The following GRIK3 variants were observed in gnomAD, a reference collection of about 807,000 sequenced individuals.
The protein encoded by GRIK3 is glutamate ionotropic receptor kainate type subunit 3, also known as glutamate receptor ionotropic, kainate 3.
A neutral mutation model predicts 102.5 loss-of-function variants in GRIK3; 29 were observed. That is an observed-to-expected ratio of 0.28 (90% CI 0.21 to 0.39). The LOEUF (loss-of-function observed/expected upper bound fraction) is 0.39, where lower values mean the gene tolerates loss of function less well. GRIK3 is among the 10% of genes least tolerant of loss of function. The probability of loss-of-function intolerance (pLI) is 1.00; values close to 1 mark genes in which losing one functional copy is unlikely to be tolerated. For synonymous variants in GRIK3, 511 were observed against 504.9 expected, an observed-to-expected ratio of 1.01 and a Z score of -0.16; for missense variants, 908 against 1,252.4, an observed-to-expected ratio of 0.73 and a Z score of 4.15.
At chr1:36,988,223 G>GGAGGTTGCAGTGAGCC (rs1441543158) in intron 1 of GRIK3, among the ~76,000 whole-genome samples, 4 of 152,188 alleles carry the variant, frequency 2.6e-5, no homozygotes, top group Non-Finnish European at 2.9e-5. Context: ...CTCAGGAGGT[G>GGAGGTTGCAGTGAGCC]GAGGTTGCAG....
At chr1:36,960,960 C>T (rs1319290222) in intron 1 of GRIK3, among the ~76,000 whole-genome samples, 1 of 152,184 alleles carries the variant, frequency 6.6e-6, no homozygotes, top group Non-Finnish European at 1.5e-5. Flanking sequence ...AAGCACAACA[C>T]ATAGGTCACC....
intron 11 of GRIK3, among the ~76,000 whole-genome samples, chr1:36,820,341 T>C (rs985095204): frequency 8.5e-5 from 13 of 152,176 alleles, no homozygotes; most frequent in African/African-American, 3.1e-4. Context: ...CAACACATAT[T>C]GTTGAAGATC....
At chr1:36,889,743 T>G (rs1343510233) in intron 2 of GRIK3, among the ~76,000 whole-genome samples, 2 of 152,180 alleles carry the variant, frequency 1.3e-5, no homozygotes, top group African/African-American at 4.8e-5. Flanking sequence ...GGAAGGTCCC[T>G]GTGCTGAATC....
intron 1 of GRIK3, among the ~76,000 whole-genome samples, chr1:37,019,559 G>A (rs1267298239): frequency 6.6e-6 from 1 of 152,150 alleles, no homozygotes; most frequent in Admixed American, 6.5e-5. Context: ...GACCTACCAT[G>A]AGGACATTCA....
At chr1:36,852,963 TA>T (rs1407090736) in intron 8 of GRIK3, among the ~76,000 whole-genome samples, 6 of 152,192 alleles carry the variant, frequency 3.9e-5, no homozygotes, top group African/African-American at 9.6e-5. Flanking sequence ...TTGGCCTCAT[TA>T]AAACATCTCT....
chr1:36,925,022 T>C (rs935386151), intron 1 of GRIK3, among the ~76,000 whole-genome samples: 1 of 152,222 alleles, frequency 6.6e-6, no homozygotes, highest in African/African-American at 2.4e-5. Context: ...TTAAATCTAA[T>C]GCTCCTGACA....
chr1:36,898,502 C>T (rs1186337344), intron 1 of GRIK3, among the ~76,000 whole-genome samples: 3 of 152,032 alleles, frequency 2.0e-5, no homozygotes, highest in South Asian at 4.1e-4. Flanking sequence ...ATGTAAAAAG[C>T]TCTTCAAAAC....
chr1:36,829,361 T>C (rs991381191), intron 10 of GRIK3, among the ~76,000 whole-genome samples: 1 of 152,178 alleles, frequency 6.6e-6, no homozygotes, highest in African/African-American at 2.4e-5. Flanking sequence ...ACTTCAAGTC[T>C]ATTCGAGGAA....
intron 1 of GRIK3, among the ~76,000 whole-genome samples, chr1:36,958,896 GTGCCTTGTGACTC>G (rs1641961336): frequency 7.7e-6 from 1 of 130,682 alleles, no homozygotes. Flanking sequence ...CTGTGAGTCT[GTGCCTTGTGACTC>G]TGTGCCCCAT....
At position 36,797,369 on chromosome 1, in the gene GRIK3, TG is replaced by T. The variant is rs1484160876; in HGVS notation, c.*4481del. ...ACATTAACCTTCTACCTAAAAGTTT[TG>T]TGACTCACGTATGACCTCAGCTCTG... On this transcript the variant is annotated 3_prime_UTR_variant, in exon 16 of 16. Transcript: ENST00000373091. 3 of 152,080 alleles carry T rather than the reference TG, an allele frequency of 2.0e-5. No individual in the cohort carries two copies. Among genetic ancestry groups the T allele is most frequent in the Non-Finnish European group, 4.4e-5 (3 of 68,022 alleles). 9.4% of individuals were successfully genotyped at this position (152,080 alleles called of 1,614,324 possible).
rs1642445210 is a variant in GRIK3, at chr1:36,801,930, A to G, written c.2681T>C (p.Met894Thr). 1 of 1,613,996 alleles carries G rather than the reference A, an allele frequency of 6.2e-7. No individual in the cohort carries two copies. Among genetic ancestry groups the G allele is most frequent in the African/African-American group, 1.3e-5 (1 of 74,930 alleles). ...MMVKTDAVIN[M>T]HTFNDRRLPG... is the part of the protein sequence containing the mutation. ...AAGCCGGCGGTCATTGAATGTGTGCATGTTGATGACGGCGTCAGTCTTGAC... is the reference window on the plus strand; with the variant it reads ...AAGCCGGCGGTCATTGAATGTGTGCGTGTTGATGACGGCGTCAGTCTTGAC... The change falls in exon 16 of 16, where the codon ATG (methionine) becomes ACG (threonine). Residue 894 changes from methionine (M) to threonine (T), a missense_variant. Coordinates refer to ENST00000373091, the MANE Select transcript of GRIK3 (RefSeq NM_000831.4).
intron 1 of GRIK3, among the ~76,000 whole-genome samples, chr1:36,901,740 GA>G (rs1641233814): frequency 6.6e-6 from 1 of 152,142 alleles, no homozygotes; most frequent in African/African-American, 2.4e-5. Context: ...GCAAGAAAAG[GA>G]AACGAAAGAA....
intron 1 of GRIK3, among the ~76,000 whole-genome samples, chr1:36,921,312 A>C (rs1641468773): frequency 6.6e-6 from 1 of 152,244 alleles, no homozygotes; most frequent in Non-Finnish European, 1.5e-5. Context: ...GCCACCTACC[A>C]GCTGCATTTG....
chr1:36,803,899 T>C (rs1424960011), intron 15 of GRIK3, among the ~76,000 whole-genome samples: 3 of 152,254 alleles, frequency 2.0e-5, no homozygotes, highest in Non-Finnish European at 4.4e-5. Context: ...GCAAATTTCC[T>C]TGTAAATAAA....
Position 36,850,226 on chromosome 1 carries a change from G to A in GRIK3, c.1326+85C>T. ...CCTGCAGCCTCCATCTTCTGGGTGG[G>A]GGGGATAGAGGGGACTCTCCAGCCC... On this transcript the variant is annotated intron_variant, in intron 9 of 15. Coordinates refer to ENST00000373091, the MANE Select transcript of GRIK3 (RefSeq NM_000831.4). The surrounding 1 kb of genome is among the most constrained non-coding windows in gnomAD (Gnocchi z 4.0). 3 of 806,018 alleles carry A rather than the reference G, an allele frequency of 3.7e-6. No homozygotes were observed. Among genetic ancestry groups the A allele is most frequent in the Non-Finnish European group, 6.6e-6 (3 of 457,322 alleles). 49.9% of individuals were successfully genotyped at this position (806,018 alleles called of 1,614,324 possible). A position where few individuals can be genotyped will look rare whatever the true frequency, so the allele number is the denominator to read the frequency against.
chr1:36,801,383 G>A lies in GRIK3; in HGVS notation c.*468C>T, dbSNP rs542332178. 1.4e-3 allele frequency: 225 copies of A among 155,186 alleles called. No homozygotes were observed. The highest frequency in any genetic ancestry group is 2.4e-3 in the Non-Finnish European group (169 of 69,600). 9.6% of individuals were successfully genotyped at this position (155,186 alleles called of 1,614,324 possible). A position where few individuals can be genotyped will look rare whatever the true frequency, so the allele number is the denominator to read the frequency against. ...ATGGGATGGGTATCCCTCACCATGA[G>A]CTCCCATTGGCAGCCATGCTAGAAC... On this transcript the variant is annotated 3_prime_UTR_variant, in exon 16 of 16. Transcript: ENST00000373091.
chr1:36,803,568 C>A (rs1046886432), intron 15 of GRIK3, among the ~76,000 whole-genome samples: 8 of 152,072 alleles, frequency 5.3e-5, no homozygotes, highest in Non-Finnish European at 2.9e-5. Context: ...GTAGCTGGGA[C>A]TACAGGTGCA....
chr1:36,893,024 CA>C (rs1348692717), intron 1 of GRIK3, among the ~76,000 whole-genome samples: 1 of 151,716 alleles, frequency 6.6e-6, no homozygotes, highest in Non-Finnish European at 1.5e-5. Context: ...AAATAAATTC[CA>C]GATAAATTAA....
At chr1:36,857,676 C>T (rs903711700) in intron 7 of GRIK3, among the ~76,000 whole-genome samples, 3 of 152,184 alleles carry the variant, frequency 2.0e-5, no homozygotes, top group Non-Finnish European at 2.9e-5. Flanking sequence ...TGTATCTTAT[C>T]CACATTTATT....
Sources: gnomAD v4.1 joint callset for allele counts (sites outside exome capture counted in the v4.1 genomes callset) on GRCh38, gnomAD v4.1.1 for gene constraint, Gnocchi (gnomAD v3.1) non-coding constraint, MANE v1.5 for transcripts, NCBI Gene and HGNC (gene_info 2026-07-23, HGNC 2026-07-21) for gene names.